The following SCP2 variants were observed in gnomAD, a reference collection of about 807,000 sequenced individuals.
SCP2 encodes sterol carrier protein 2.
A neutral mutation model predicts 71.4 loss-of-function variants in SCP2; 48 were observed. The ratio of observed to expected loss-of-function variants is 0.67; its 90% confidence interval spans 0.53 to 0.86. The LOEUF is 0.86. SCP2 is among the 40% of genes least tolerant of loss of function. The probability of loss-of-function intolerance (pLI) is 0.00; values close to 1 mark genes in which losing one functional copy is unlikely to be tolerated. For missense variants in SCP2, 560 were observed against 655.6 expected, an observed-to-expected ratio of 0.85 and a Z score of 1.59; for synonymous variants, 220 against 218.1, an observed-to-expected ratio of 1.01 and a Z score of -0.08.
intron 13 of SCP2, among the ~76,000 whole-genome samples, chr1:53,037,052 G>T (rs918718618): frequency 3.9e-5 from 6 of 152,168 alleles, no homozygotes; most frequent in Middle Eastern, 3.4e-3. Flanking sequence ...CAAGAGAATC[G>T]CTCGAACCCA....
chr1:53,050,946 G>A lies in SCP2; in HGVS notation c.*242G>A. The A allele has an allele frequency of 6.0e-6, 2 of 331,708 alleles. No homozygotes were observed. Among genetic ancestry groups the A allele is most frequent in the Non-Finnish European group, 1.1e-5 (2 of 179,362 alleles). The allele number at this position is 331,708 out of a possible 1,614,324, so 20.5% of individuals were successfully genotyped here. On this transcript the variant is annotated 3_prime_UTR_variant, in exon 16 of 16. Coordinates refer to ENST00000371514, the MANE Select transcript of SCP2 (RefSeq NM_002979.5). ...ATTACAAAGTTAATATGGTAATTAT[G>A]GTCTGGGGTAAAATTGAGTTTCAGA...
intron 13 of SCP2, among the ~76,000 whole-genome samples, chr1:53,034,110 C>G (rs1480552578): frequency 6.6e-6 from 1 of 151,830 alleles, no homozygotes; most frequent in Non-Finnish European, 1.5e-5. Flanking sequence ...CTAAAAACAC[C>G]AAAATTTTTA....
At chr1:53,048,198 G>A (rs1184879762) in intron 15 of SCP2, 9 of 419,042 alleles carry the variant, frequency 2.1e-5, no homozygotes, top group African/African-American at 1.8e-4. Context: ...GAGATCCAAG[G>A]TGCCACACCT....
chr1:52,980,448 G>C lies in SCP2; in HGVS notation c.878G>C (p.Gly293Ala). Residue 293 changes from glycine (G) to alanine (A), a missense_variant, in exon 10 of 16, where the codon GGC becomes GCC. Physicochemically the swap from Gly to Ala is moderately conservative, Grantham distance 60. Around this residue, in one of 3 missense-constraint regions of SCP2, gnomAD observed 513 missense variants for 573.1 expected, o/e 0.90. Transcript: ENST00000371514. Reference sequence around the variant, plus strand: ...GCAAGAAAATGCTATGAGAAATCTGGCCTGACACCAAATGATATTGACGTA... The same window carrying C: ...GCAAGAAAATGCTATGAGAAATCTGCCCTGACACCAAATGATATTGACGTA... ...EAARKCYEKS[G>A]LTPNDIDVIE... The C allele has an allele frequency of 6.2e-7, 1 of 1,614,060 alleles. No individual in the cohort carries two copies. Among genetic ancestry groups the C allele is most frequent in the Non-Finnish European group, 8.5e-7 (1 of 1,179,940 alleles).
intron 6 of SCP2, among the ~76,000 whole-genome samples, chr1:52,971,178 G>A (rs1055530136): frequency 2.6e-5 from 4 of 151,736 alleles, no homozygotes; most frequent in Non-Finnish European, 5.9e-5. Flanking sequence ...GGGTTTCACC[G>A]TGTTAGCCAG....
intron 2 of SCP2, among the ~76,000 whole-genome samples, chr1:52,946,505 A>G (rs529266655): frequency 1.3e-5 from 2 of 152,242 alleles, no homozygotes; most frequent in Admixed American, 6.5e-5. Flanking sequence ...TGTGAAACCA[A>G]GATTCTTGCC....
chr1:52,954,001 A>C (rs1217908045), intron 4 of SCP2, among the ~76,000 whole-genome samples: 3 of 150,992 alleles, frequency 2.0e-5, no homozygotes, highest in Non-Finnish European at 1.5e-5. Flanking sequence ...AACAAAAAAA[A>C]CAACCAAAAC....
At chr1:53,044,878 T>C (rs1663686976) in intron 14 of SCP2, among the ~76,000 whole-genome samples, 1 of 152,336 alleles carries the variant, frequency 6.6e-6, no homozygotes, top group South Asian at 2.1e-4. Flanking sequence ...TATTTTACTT[T>C]GATAATAAAA....
intron 12 of SCP2, among the ~76,000 whole-genome samples, chr1:53,025,521 TCCTCCTTGTCCTCGTAATGG>T (rs1460979043): frequency 3.9e-5 from 6 of 152,130 alleles, no homozygotes; most frequent in Non-Finnish European, 8.8e-5. Flanking sequence ...CCCACTACAT[TCCTCCTTGTCCTCGTAATGG>T]CCTCTCCATC....
intron 1 of SCP2, among the ~76,000 whole-genome samples, chr1:52,934,280 A>C (rs563790033): frequency 2.8e-4 from 43 of 152,200 alleles, no homozygotes; most frequent in Non-Finnish European, 5.4e-4. Context: ...AATTTTAGAA[A>C]ACTTGTATCT....
chr1:52,966,034 TA>T (rs1572102582), intron 6 of SCP2, among the ~76,000 whole-genome samples: 1 of 152,156 alleles, frequency 6.6e-6, no homozygotes, highest in African/African-American at 2.4e-5. Flanking sequence ...ATTTTACTTA[TA>T]GGGGTTTCCA....
intron 12 of SCP2, among the ~76,000 whole-genome samples, chr1:53,020,715 G>A (rs1277458591): frequency 6.6e-6 from 1 of 152,122 alleles, no homozygotes; most frequent in Non-Finnish European, 1.5e-5. Context: ...CTACAGCTTG[G>A]CCAAAGAGGA....
At chr1:53,018,184 G>A (rs1661476208) in intron 12 of SCP2, among the ~76,000 whole-genome samples, 1 of 152,040 alleles carries the variant, frequency 6.6e-6, no homozygotes, top group African/African-American at 2.4e-5. Flanking sequence ...GAACCTGTTA[G>A]GTAGTTACAA....
At chr1:52,978,807 C>G (rs1658214093) in intron 9 of SCP2, among the ~76,000 whole-genome samples, 1 of 152,188 alleles carries the variant, frequency 6.6e-6, no homozygotes, top group Non-Finnish European at 1.5e-5. Context: ...AGTGATCCAC[C>G]TGCCTCAGCC....
intron 11 of SCP2, among the ~76,000 whole-genome samples, chr1:52,992,471 C>CT (rs1255391206): frequency 6.6e-6 from 1 of 152,126 alleles, no homozygotes; most frequent in Non-Finnish European, 1.5e-5. Context: ...GAAATTATTC[C>CT]TTTTTACCCT....
chr1:52,945,921 AGTTTTTTT>A (rs893327618), intron 2 of SCP2, among the ~76,000 whole-genome samples: 7 of 151,334 alleles, frequency 4.6e-5, no homozygotes, highest in South Asian at 4.2e-4. Context: ...ATCATTTTTA[AGTTTTTTT>A]GTTTTTTTTT....
In SCP2 at chr1:52,993,109, A is replaced by G. The variant is rs1269946516; in HGVS notation, c.1081+4973A>G. On this transcript the variant is annotated intron_variant, in intron 11 of 15. Coordinates refer to ENST00000371514, the MANE Select transcript of SCP2 (RefSeq NM_002979.5). ...ACATGGTGATCATTTGTCTAAGGCT[A>G]GAAAGGTACCAACAAGATGTAAACT... The G allele has an allele frequency of 4.2e-6, 6 of 1,426,646 alleles. No individual in the cohort carries two copies. The African/African-American group carries it at 5.6e-5, about 13-fold the overall frequency. The allele number at this position is 1,426,646 out of a possible 1,614,324, so 88.4% of individuals were successfully genotyped here.
intron 11 of SCP2, among the ~76,000 whole-genome samples, chr1:53,012,027 C>T (rs1661018062): frequency 6.6e-6 from 1 of 152,218 alleles, no homozygotes. Flanking sequence ...TAGAATCCCT[C>T]TTCCTCAAGG....
chr1:52,954,331 AAACAACAAC>A (rs199683265), intron 4 of SCP2, among the ~76,000 whole-genome samples: 1 of 151,034 alleles, frequency 6.6e-6, no homozygotes, highest in Non-Finnish European at 1.5e-5. Context: ...AAAAGCAAAC[AAACAACAAC>A]AACAACAACA....
Sources: allele counts gnomAD v4.1 joint callset (sites outside exome capture counted in the v4.1 genomes callset), GRCh38; gene constraint gnomAD v4.1.1; regional missense constraint gnomAD v4.1.1; transcripts MANE v1.5; gene names NCBI Gene and HGNC (gene_info 2026-07-23, HGNC 2026-07-21).